The following CDC73 variants were observed in gnomAD, a reference collection of about 807,000 sequenced individuals.
CDC73 encodes cell division cycle 73, also known as parafibromin.
Under a neutral mutation model 83.7 loss-of-function variants are expected in CDC73, and 21 were observed. That is an observed-to-expected ratio of 0.25 (90% CI 0.18 to 0.36). The LOEUF is 0.36. CDC73 is among the 10% of genes least tolerant of loss of function. CDC73 has a pLI of 1.00. For synonymous variants in CDC73, 224 were observed against 212.9 expected (o/e 1.05, Z -0.45); for missense variants, 342 against 653.3 (o/e 0.52, Z 5.19).
intron 15 of CDC73, among the ~76,000 whole-genome samples, chr1:193,241,091 G>C (rs1196816117): frequency 6.6e-6 from 1 of 151,884 alleles, no homozygotes; most frequent in Non-Finnish European, 1.5e-5. Flanking sequence ...TACTTTTTCT[G>C]TTTCTTGTGT....
intron 10 of CDC73, among the ~76,000 whole-genome samples, chr1:193,181,964 T>A (rs1474794366): frequency 6.6e-6 from 1 of 151,550 alleles, no homozygotes; most frequent in Non-Finnish European, 1.5e-5. Context: ...AGTTAAAGAT[T>A]TAAAAGTTGA....
chr1:193,251,990 G>A lies in CDC73; in HGVS notation c.*1278G>A. On this transcript the variant is annotated 3_prime_UTR_variant, in exon 17 of 17. Transcript: ENST00000367435. ...TTTCTCCTAGGTTAACATATTTTTG[G>A]TGAACGTTTAGGCCTTTCATAGGTA... The A allele has an allele frequency of 4.3e-6, 1 of 230,922 alleles. No individual in the cohort carries two copies. The highest frequency in any genetic ancestry group is 8.6e-6 in the Non-Finnish European group (1 of 116,858). 14.3% of individuals were successfully genotyped at this position (230,922 alleles called of 1,614,324 possible).
At chr1:193,219,900 T>A (rs1007910959) in intron 13 of CDC73, among the ~76,000 whole-genome samples, 8 of 152,096 alleles carry the variant, frequency 5.3e-5, no homozygotes, top group Non-Finnish European at 1.0e-4. Flanking sequence ...AACAGCAAAA[T>A]AAAGAAATTG....
chr1:193,228,474 A>G (rs1350421223), intron 13 of CDC73, among the ~76,000 whole-genome samples: 1 of 152,230 alleles, frequency 6.6e-6, no homozygotes, highest in Non-Finnish European at 1.5e-5. Context: ...CAATGTACTA[A>G]CGATGTAAAG....
chr1:193,217,256 G>A (rs1290510106), intron 13 of CDC73, among the ~76,000 whole-genome samples: 1 of 152,078 alleles, frequency 6.6e-6, no homozygotes, highest in East Asian at 1.9e-4. Context: ...GTGGACGTGT[G>A]TTACAGGGTG....
Position 193,122,404 on chromosome 1 carries a change from C to T in CDC73, c.131+73C>T, listed in dbSNP as rs1018088888. On this transcript the variant is annotated intron_variant, in intron 1 of 16. Transcript: ENST00000367435. Reference sequence around the variant, plus strand: ...CGCCCCCAGGCGACCTCTTTCTTAACCCCTCCCCCCGTTTCCCCTGGGGAT... The same window carrying T: ...CGCCCCCAGGCGACCTCTTTCTTAATCCCTCCCCCCGTTTCCCCTGGGGAT... 14 of 1,594,940 alleles carry T rather than the reference C, an allele frequency of 8.8e-6. No individual in the cohort carries two copies. In the East Asian group the frequency reaches 1.1e-4, roughly 13 times the overall value.
chr1:193,221,815 A>G (rs979284626), intron 13 of CDC73, among the ~76,000 whole-genome samples: 2 of 152,132 alleles, frequency 1.3e-5, no homozygotes, highest in African/African-American at 4.8e-5. Flanking sequence ...ATTGTTTAAC[A>G]CCTCATTGCA....
chr1:193,182,668 G>A (rs1676736954), intron 10 of CDC73, among the ~76,000 whole-genome samples: 1 of 152,108 alleles, frequency 6.6e-6, no homozygotes, highest in Admixed American at 6.5e-5. Flanking sequence ...AATATGTGAG[G>A]TTCATGATGG....
Position 193,123,623 on chromosome 1 carries a change from C to T in CDC73, c.131+1292C>T, listed in dbSNP as rs564383582. On this transcript the variant is annotated intron_variant, in intron 1 of 16. Transcript: ENST00000367435. ...CTGAGTTTCTGGTATTTTACCCTTT[C>T]GAATAATTTGCATAGGTAGAATTAC... Among the ~76,000 whole-genome samples the T allele has an allele frequency of 7.3e-5, 11 of 151,114 alleles. No homozygotes were observed. The South Asian group carries it at 2.1e-3, about 29-fold the overall frequency.
intron 10 of CDC73, among the ~76,000 whole-genome samples, chr1:193,168,288 GT>G: frequency 6.6e-6 from 1 of 152,258 alleles, no homozygotes; most frequent in Admixed American, 6.5e-5. Flanking sequence ...AAAATGCTGT[GT>G]TTTGCATTCA....
chr1:193,223,094 A>G (rs569955869), intron 13 of CDC73, among the ~76,000 whole-genome samples: 1 of 151,976 alleles, frequency 6.6e-6, no homozygotes, highest in East Asian at 1.9e-4. Flanking sequence ...TACTGTACAT[A>G]TTTGCAAGCT....
At chr1:193,123,537 T>C (rs1042079333) in intron 1 of CDC73, among the ~76,000 whole-genome samples, 4 of 152,246 alleles carry the variant, frequency 2.6e-5, no homozygotes, top group African/African-American at 7.2e-5. Flanking sequence ...TATTGGTTGG[T>C]TTTAAAATTT....
At chr1:193,235,482 A>AACTTTAT (rs1677740956) in intron 14 of CDC73, among the ~76,000 whole-genome samples, 1 of 152,144 alleles carries the variant, frequency 6.6e-6, no homozygotes, top group Non-Finnish European at 1.5e-5. Context: ...TATTGCTGAT[A>AACTTTAT]ATGTTGTTGT....
intron 10 of CDC73, among the ~76,000 whole-genome samples, chr1:193,185,735 A>T (rs1002888924): frequency 6.6e-6 from 1 of 151,940 alleles, no homozygotes; most frequent in Non-Finnish European, 1.5e-5. Context: ...ATTTTTTTTT[A>T]AGTTTAATTT....
intron 2 of CDC73, among the ~76,000 whole-genome samples, chr1:193,125,474 C>T (rs925426581): frequency 6.6e-6 from 1 of 152,132 alleles, no homozygotes; most frequent in African/African-American, 2.4e-5. Context: ...GTTGCCTAGG[C>T]TGGTCTTGAA....
intron 10 of CDC73, among the ~76,000 whole-genome samples, chr1:193,171,829 C>G (rs1433950331): frequency 6.6e-6 from 1 of 152,116 alleles, no homozygotes; most frequent in Non-Finnish European, 1.5e-5. Context: ...TACCACCACA[C>G]TCAATCAATA....
At chr1:193,213,641 C>G (rs1677313899) in intron 13 of CDC73, among the ~76,000 whole-genome samples, 1 of 152,146 alleles carries the variant, frequency 6.6e-6, no homozygotes, top group African/African-American at 2.4e-5. Context: ...CATGGTACTT[C>G]TTATTAAACA....
At chr1:193,151,417 C>T (rs368947636) in intron 9 of CDC73, among the ~76,000 whole-genome samples, 1 of 152,228 alleles carries the variant, frequency 6.6e-6, no homozygotes, top group East Asian at 1.9e-4. Flanking sequence ...ATTACAGCCC[C>T]CAAACTAAAT....
rs141737506 is a variant in CDC73, at chr1:193,209,829, G to T, written c.1031-2236G>T. Reference sequence around the variant, plus strand: ...CCTTACCAAATCCAACAGTACTTCAGTCAGAGATTTCTCCCTTGCTCTCTC... The same window carrying T: ...CCTTACCAAATCCAACAGTACTTCATTCAGAGATTTCTCCCTTGCTCTCTC... On this transcript the variant is annotated intron_variant, in intron 11 of 16. Transcript: ENST00000367435. 1.1e-4 allele frequency among the ~76,000 whole-genome samples: 17 copies of T among 152,048 alleles called. 1 individual carries two copies. The East Asian group carries it at 2.9e-3, about 26-fold the overall frequency.
Sources: allele counts gnomAD v4.1 joint callset (sites outside exome capture counted in the v4.1 genomes callset), GRCh38; gene constraint gnomAD v4.1.1; transcripts MANE v1.5; gene names NCBI Gene and HGNC (gene_info 2026-07-23, HGNC 2026-07-21).